Variants in BBS1 observed in about 807,000 individuals in gnomAD.
BBS1 encodes Bardet-Biedl syndrome 1.
Under a neutral mutation model 73.9 loss-of-function variants are expected in BBS1, and 60 were observed. The observed-to-expected ratio is 0.81, with a 90% CI of 0.66 to 1.01. The LOEUF is 1.01. Among genes scored for constraint, BBS1 ranks in the 50% least tolerant of loss-of-function variants. The pLI, the probability that BBS1 is intolerant of heterozygous loss-of-function variation, is 0.00. For synonymous variants in BBS1, 283 were observed against 317.4 expected (o/e 0.89, Z 1.15); for missense variants, 718 against 770.3 (o/e 0.93, Z 0.80).
At chr11:66,524,109 C>T (rs1172678326) in intron 11 of BBS1, 3 of 587,594 alleles carry the variant, frequency 5.1e-6, no homozygotes, top group African/African-American at 1.9e-5. Flanking sequence ...GCATAACCCC[C>T]TTGCTACTAA....
chr11:66,515,611 A>AC lies in BBS1; in HGVS notation c.479+31dup, dbSNP rs201932054. 2,656 of 1,613,342 alleles carry AC rather than the reference A, an allele frequency of 1.6e-3. 31 individuals carry two copies. The African/African-American group carries it at 0.026, about 16-fold the overall frequency. On this transcript the variant is annotated intron_variant, in intron 5 of 16. Coordinates refer to ENST00000318312, the MANE Select transcript of BBS1 (RefSeq NM_024649.5). ...GGTGAGAGGCTGCCTTCCCCTTCATACCCCCCTCACTCCTTCATCCCATCT... is the reference window on the plus strand; with the variant it reads ...GGTGAGAGGCTGCCTTCCCCTTCATACCCCCCCTCACTCCTTCATCCCATCT...
chr11:66,512,066 A>G (rs1422285862), intron 3 of BBS1, among the ~76,000 whole-genome samples: 2 of 146,878 alleles, frequency 1.4e-5, no homozygotes, highest in Non-Finnish European at 3.0e-5. Flanking sequence ...ATATATATGT[A>G]TATATATATA....
rs770503958 is a variant in BBS1 at position 66,519,630 on chromosome 11, C to T, written c.605C>T (p.Thr202Ile). The change falls in exon 8 of 17, where the codon ACC becomes ATC. Residue 202 changes from threonine (T) to isoleucine (I), a missense_variant. Physicochemically the swap from Thr to Ile is moderately conservative, Grantham distance 89. Coordinates refer to ENST00000318312, the MANE Select transcript of BBS1 (RefSeq NM_024649.5). Reference sequence around the variant, plus strand: ...GTCCTTCTGTAGACAGTCATCACCACCATGACCACCTTGAAGAAGAACCTG... The same window carrying T: ...GTCCTTCTGTAGACAGTCATCACCATCATGACCACCTTGAAGAAGAACCTG... ...NSIKRQTVITTMTTLKKNLAD... is the reference protein window; with the variant it reads ...NSIKRQTVITIMTTLKKNLAD... 1 of 1,613,930 alleles carries T rather than the reference C, an allele frequency of 6.2e-7. No individual in the cohort carries two copies. Among genetic ancestry groups the T allele is most frequent in the East Asian group, 2.2e-5 (1 of 44,860 alleles).
chr11:66,522,201 G>A (rs997867806), intron 9 of BBS1, among the ~76,000 whole-genome samples: 1 of 151,366 alleles, frequency 6.6e-6, no homozygotes, highest in African/African-American at 2.4e-5. Context: ...TGGGCACAGA[G>A]CGAGACTCTG....
intron 9 of BBS1, among the ~76,000 whole-genome samples, chr11:66,522,559 G>T (rs899590624): frequency 6.6e-6 from 1 of 152,006 alleles, no homozygotes; most frequent in Non-Finnish European, 1.5e-5. Context: ...TATTGGCCAG[G>T]CTGGTCTCGA....
Position 66,521,333 on chromosome 11 carries a change from C to A in BBS1, c.787C>A (p.Leu263Ile), listed in dbSNP as rs986690974. Residue 263 changes from leucine to isoleucine, a missense_variant, in exon 9 of 17, where the codon CTT becomes ATT. Coordinates refer to ENST00000318312, the MANE Select transcript of BBS1 (RefSeq NM_024649.5). ...VSGQFDVEFR[L>I]AAACRNGNIY... ...TGGCCAGTTTGATGTTGAGTTCCGG[C>A]TTGCCGCGGCCTGCCGCAATGGAAA... The A allele has an allele frequency of 6.2e-7, 1 of 1,614,246 alleles. No individual in the cohort carries two copies. Among genetic ancestry groups the A allele is most frequent in the Non-Finnish European group, 8.5e-7 (1 of 1,180,050 alleles).
intron 9 of BBS1, 88 bp downstream of exon 9, chr11:66,521,464 AGG>A: frequency 9.4e-7 from 1 of 1,064,782 alleles, no homozygotes; most frequent in Non-Finnish European, 1.4e-6. Flanking sequence ...GTGGGCTTTA[AGG>A]CTGGAATTTG....
chr11:66,515,623 CCTT>C (rs1280528754), intron 5 of BBS1, 37 bp downstream of exon 5: 30 of 1,614,058 alleles, frequency 1.9e-5, no homozygotes, highest in Non-Finnish European at 2.5e-5. Context: ...CCCCCTCACT[CCTT>C]CATCCCATCT....
chr11:66,523,668 C>G (rs1856349638), intron 10 of BBS1, 56 bp from the exon 11 acceptor site: 1 of 1,610,326 alleles, frequency 6.2e-7, no homozygotes, highest in African/African-American at 1.3e-5. Flanking sequence ...CCCCAGAAAC[C>G]GTTCTTTCCA....
rs550464480 is a variant in BBS1 at position 66,512,904 on chromosome 11, G to A, written c.160-1502G>A. Among the ~76,000 whole-genome samples, 226 of 151,984 alleles carry A rather than the reference G, an allele frequency of 1.5e-3. 5 individuals are homozygous for A. The highest frequency in any genetic ancestry group is 3.2e-4 in the Non-Finnish European group (22 of 68,006). On this transcript the variant is annotated intron_variant, in intron 3 of 16. Coordinates refer to ENST00000318312, the MANE Select transcript of BBS1 (RefSeq NM_024649.5). The stretch of plus-strand genomic sequence containing the variant: ...GGAGAATGGCTTGAAACCAGAAGGC[G>A]GAGGTTGCAGTGAGCCGAAATCACG...
intron 3 of BBS1, among the ~76,000 whole-genome samples, chr11:66,512,576 C>T (rs1357930154): frequency 6.6e-6 from 1 of 152,186 alleles, no homozygotes; most frequent in East Asian, 1.9e-4. Context: ...GGAGGAGATA[C>T]ACTGTCGACA....
intron 7 of BBS1, among the ~76,000 whole-genome samples, chr11:66,517,441 A>G (rs1856073716): frequency 6.7e-6 from 1 of 148,976 alleles, no homozygotes; most frequent in Admixed American, 6.7e-5. Flanking sequence ...TTTTGCATTC[A>G]TGTATTTTTT....
At position 66,510,674 on chromosome 11, in the gene BBS1, C is replaced by G; in HGVS notation, c.15C>G (p.Ser5=). Residue 5 remains serine, a synonymous_variant, in exon 1 of 17, where the codon TCC becomes TCG. Transcript: ENST00000318312. The stretch of plus-strand genomic sequence containing the variant: ...CGCCTGCGAAGATGGCCGCTGCGTC[C>G]TCATCGGATTCCGACGCCTGCGGAG... The part of the protein sequence containing the change: MAAA[S]SSDSDACGAE... 1 of 1,614,202 alleles carries G rather than the reference C, an allele frequency of 6.2e-7. No individual in the cohort carries two copies. The highest frequency in any genetic ancestry group is 8.5e-7 in the Non-Finnish European group (1 of 1,180,034).
chr11:66,524,311 A>G, intron 11 of BBS1: 1 of 316,698 alleles, frequency 3.2e-6, no homozygotes, highest in South Asian at 2.7e-5. Context: ...AGCACCTCAT[A>G]TGTACCAGTC....
chr11:66,517,283 T>C (rs971344990), intron 7 of BBS1, among the ~76,000 whole-genome samples: 1 of 151,430 alleles, frequency 6.6e-6, no homozygotes, highest in Non-Finnish European at 1.5e-5. Flanking sequence ...TACAAGGGGA[T>C]CTTTTTTGTT....
Position 66,531,976 on chromosome 11 carries a change from G to C in BBS1, c.1721G>C (p.Ser574Thr). 6.2e-7 allele frequency: 1 copy of C among 1,604,230 alleles called. No individual in the cohort carries two copies. Among genetic ancestry groups the C allele is most frequent in the Non-Finnish European group, 8.5e-7 (1 of 1,175,932 alleles). Residue 574 changes from serine to threonine, a missense_variant, in exon 17 of 17, where the codon AGT becomes ACT. Physicochemically the swap from Ser to Thr is moderately conservative, Grantham distance 58. Coordinates refer to ENST00000318312, the MANE Select transcript of BBS1 (RefSeq NM_024649.5). ...GTGCTGGTGCTTCGAGAAGGCCAAA[G>C]TGCACCCCTGCTGAGTGCCCACGTC... The part of the protein sequence containing the change: ...IKVLVLREGQ[S>T]APLLSAHVNM...
chr11:66,521,231 C>T (rs756970740), intron 8 of BBS1, 39 bp from the exon 9 acceptor site: 3 of 1,519,264 alleles, frequency 2.0e-6, no homozygotes, highest in Non-Finnish European at 2.7e-6. Flanking sequence ...GGGACGGGGG[C>T]TCCAGAGAAA....
rs1462048534 is a variant in BBS1 at position 66,519,611 on chromosome 11, C to A, written c.592-6C>A. On this transcript the variant is annotated splice_region_variant and splice_polypyrimidine_tract_variant and intron_variant, in intron 7 of 16. Transcript: ENST00000318312. Reference sequence around the variant, plus strand: ...TCCCTGGGTGACCCCTGGAGTCCTTCTGTAGACAGTCATCACCACCATGAC... The same window carrying A: ...TCCCTGGGTGACCCCTGGAGTCCTTATGTAGACAGTCATCACCACCATGAC... The A allele has an allele frequency of 2.5e-6, 4 of 1,613,660 alleles. No homozygotes were observed. Among genetic ancestry groups the A allele is most frequent in the African/African-American group, 2.7e-5 (2 of 74,880 alleles).
Position 66,529,853 on chromosome 11 carries a change from G to A in BBS1, c.1374G>A (p.Leu458=). The A allele has an allele frequency of 6.2e-7, 1 of 1,610,870 alleles. No homozygotes were observed. Among genetic ancestry groups the A allele is most frequent in the Non-Finnish European group, 8.5e-7 (1 of 1,179,970 alleles). Residue 458 remains leucine, a synonymous_variant, in exon 14 of 17, where the codon CTG becomes CTA. Transcript: ENST00000318312. The part of the protein sequence containing the change: ...MHRAFQTDLY[L]LRLRAARAYL... The stretch of plus-strand genomic sequence containing the variant: ...GGGCCTTCCAGACAGACCTATACCT[G>A]CTGCGCCTACGTGCTGCCCGCGCCT...
Sources: gnomAD v4.1 joint callset for allele counts (sites outside exome capture counted in the v4.1 genomes callset) on GRCh38, gnomAD v4.1.1 for gene constraint, MANE v1.5 for transcripts, NCBI Gene and HGNC (gene_info 2026-07-23, HGNC 2026-07-21) for gene names.